Variants in FXN observed in about 807,000 individuals in gnomAD.
FXN encodes the protein frataxin, mitochondrial.
A neutral mutation model predicts 22.4 loss-of-function variants in FXN; 14 were observed. That is an observed-to-expected ratio of 0.62 (90% CI 0.41 to 0.98). The LOEUF (loss-of-function observed/expected upper bound fraction) is 0.98, where lower values mean the gene tolerates loss of function less well. FXN is among the 50% of genes least tolerant of loss of function. The probability of loss-of-function intolerance (pLI) is 0.00; values close to 1 mark genes in which losing one functional copy is unlikely to be tolerated. For missense variants in FXN, 267 were observed against 268.4 expected, an observed-to-expected ratio of 0.99 and a Z score of 0.04; for synonymous variants, 120 against 114.1, an observed-to-expected ratio of 1.05 and a Z score of -0.33.
At chr9:69,038,267 C>G (rs1222818139) in intron 1 of FXN, among the ~76,000 whole-genome samples, 1 of 152,130 alleles carries the variant, frequency 6.6e-6, no homozygotes, top group Non-Finnish European at 1.5e-5. Flanking sequence ...TTTTAAAGCC[C>G]TGACTGTCCT....
chr9:69,039,892 G>A (rs1235859017), intron 1 of FXN, among the ~76,000 whole-genome samples: 1 of 152,178 alleles, frequency 6.6e-6, no homozygotes, highest in Non-Finnish European at 1.5e-5. Context: ...ACTTTGCAGA[G>A]TATTGAGGCG....
chr9:69,046,212 A>G (rs1047220105), intron 1 of FXN, among the ~76,000 whole-genome samples, 173 bp from the exon 2 acceptor site: 3 of 152,192 alleles, frequency 2.0e-5, no homozygotes, highest in African/African-American at 7.2e-5. Flanking sequence ...GGAGAGGAGA[A>G]GAGAAGAGAG....
intron 2 of FXN, among the ~76,000 whole-genome samples, chr9:69,052,517 AC>A (rs1038410076): frequency 7.0e-6 from 1 of 142,374 alleles, no homozygotes; most frequent in African/African-American, 2.6e-5. Flanking sequence ...TCTTTCTGTA[AC>A]CCCTTCTGTG....
rs1331242458 is a variant in FXN at position 69,046,378 on chromosome 9, C to G, written c.166-7C>G. 3.7e-6 allele frequency: 6 copies of G among 1,610,080 alleles called. No homozygotes were observed. The East Asian group carries it at 1.1e-4, about 30-fold the overall frequency. On this transcript the variant is annotated splice_polypyrimidine_tract_variant and splice_region_variant and intron_variant, in intron 1 of 4. Coordinates refer to ENST00000484259, the MANE Select transcript of FXN (RefSeq NM_000144.5). ...ATAGTAACGTACTTCTTAACTTTGG[C>G]TTTCAGAGTTCGAACCAACGTGGCC...
chr9:69,072,792 G>T lies in FXN; in HGVS notation c.*30G>T. On this transcript the variant is annotated 3_prime_UTR_variant, in exon 5 of 5. Transcript: ENST00000484259. ...CAGCCCCGTTTTAAGGACATTAAAA[G>T]CTATCAGGCCAAGACCCCAGCTTCA... 6.2e-7 allele frequency: 1 copy of T among 1,613,828 alleles called. No individual in the cohort carries two copies.
chr9:69,078,133 G>C lies in FXN; in HGVS notation c.*5371G>C. The C allele has an allele frequency of 1.0e-6, 1 of 985,372 alleles. No homozygotes were observed. The highest frequency in any genetic ancestry group is 1.2e-6 in the Non-Finnish European group (1 of 829,912). The allele number at this position is 985,372 out of a possible 1,614,324, so 61.0% of individuals were successfully genotyped here. ...ATCCCTCCAAAGCTCAAAAGTAATA[G>C]AAACAGATGAGTTTGGAGTCAGGAT... is the stretch of plus-strand genomic sequence containing the variant. On this transcript the variant is annotated 3_prime_UTR_variant, in exon 5 of 5. Coordinates refer to ENST00000484259, the MANE Select transcript of FXN (RefSeq NM_000144.5).
intron 1 of FXN, among the ~76,000 whole-genome samples, chr9:69,039,405 G>A (rs1467217323): frequency 6.6e-6 from 1 of 152,180 alleles, no homozygotes. Flanking sequence ...CACCACATGG[G>A]ACAGCATATT....
At chr9:69,054,016 T>G (rs563063687) in intron 3 of FXN, among the ~76,000 whole-genome samples, 2 of 151,400 alleles carry the variant, frequency 1.3e-5, no homozygotes, top group South Asian at 4.2e-4. Context: ...TGAGAACTTG[T>G]TTTTTTTTGA....
rs1275914423 is a variant in FXN, at chr9:69,035,834, C to G, written c.52C>G (p.Pro18Ala). 13 of 1,512,854 alleles carry G rather than the reference C, an allele frequency of 8.6e-6. No individual in the cohort carries two copies. Among genetic ancestry groups the G allele is most frequent in the African/African-American group, 1.4e-5 (1 of 69,986 alleles). 93.7% of individuals were successfully genotyped at this position (1,512,854 alleles called of 1,614,324 possible). A position where few individuals can be genotyped will look rare whatever the true frequency, so the allele number is the denominator to read the frequency against. The part of the protein sequence containing the change: ...AVAGLLASPS[P>A]AQAQTLTRVP... The stretch of plus-strand genomic sequence containing the variant: ...AGCCGGCCTCCTGGCGTCACCCAGC[C>G]CAGCCCAGGCCCAGACCCTCACCCG... Residue 18 changes from proline to alanine, a missense_variant, in exon 1 of 5, where the codon CCA (proline) becomes GCA (alanine). By Grantham distance (27) the Pro-to-Ala change is conservative (BLOSUM62 -1). Transcript: ENST00000484259.
intron 4 of FXN, among the ~76,000 whole-genome samples, chr9:69,065,471 G>A (rs1053496695): frequency 7.9e-5 from 12 of 151,754 alleles, no homozygotes; most frequent in African/African-American, 2.2e-4. Context: ...AGCCCAGGAG[G>A]TGGAGGTTGC....
intron 4 of FXN, among the ~76,000 whole-genome samples, chr9:69,070,850 T>C (rs1485407441): frequency 6.6e-6 from 1 of 152,108 alleles, no homozygotes; most frequent in Non-Finnish European, 1.5e-5. Flanking sequence ...ATAATTTTTT[T>C]TGTCAACATG....
At chr9:69,058,924 C>T (rs1832013413) in intron 3 of FXN, among the ~76,000 whole-genome samples, 3 of 152,106 alleles carry the variant, frequency 2.0e-5, no homozygotes, top group African/African-American at 4.8e-5. Flanking sequence ...AAAACTTAGC[C>T]GGGCGTGGTG....
At chr9:69,037,152 G>A (rs961242723) in intron 1 of FXN, among the ~76,000 whole-genome samples, 3 of 151,672 alleles carry the variant, frequency 2.0e-5, no homozygotes, top group African/African-American at 7.3e-5. Context: ...GGCAGGACGC[G>A]GTGGCTCATG....
At chr9:69,064,473 T>TACCTTCCTTTTACTTCCTC (rs1272226514) in intron 3 of FXN, among the ~76,000 whole-genome samples, 1 of 152,220 alleles carries the variant, frequency 6.6e-6, no homozygotes, top group Non-Finnish European at 1.5e-5. Context: ...CATACTTCCT[T>TACCTTCCTTTTACTTCCTC]ACCTTCCTTT....
chr9:69,051,405 TG>T (rs1271832661), intron 2 of FXN, among the ~76,000 whole-genome samples: 1 of 151,986 alleles, frequency 6.6e-6, no homozygotes, highest in African/African-American at 2.4e-5. Context: ...TGATACGATC[TG>T]TCTCTTTCTT....
At chr9:69,042,600 C>G (rs1215208083) in intron 1 of FXN, among the ~76,000 whole-genome samples, 2 of 152,174 alleles carry the variant, frequency 1.3e-5, no homozygotes, top group African/African-American at 4.8e-5. Flanking sequence ...TGATTAAAAA[C>G]AGCCGAAGAA....
chr9:69,040,051 A>C (rs1831628474), intron 1 of FXN, among the ~76,000 whole-genome samples: 1 of 152,220 alleles, frequency 6.6e-6, no homozygotes, highest in African/African-American at 2.4e-5. Context: ...TTCATGACCC[A>C]GTCACCGCTT....
intron 4 of FXN, among the ~76,000 whole-genome samples, chr9:69,071,424 C>T (rs570168406): frequency 1.3e-5 from 2 of 152,332 alleles, no homozygotes; most frequent in Non-Finnish European, 1.5e-5. Flanking sequence ...CTCAGGCAGA[C>T]TCAGGTGCCC....
At chr9:69,057,638 C>T (rs1831984037) in intron 3 of FXN, among the ~76,000 whole-genome samples, 1 of 152,114 alleles carries the variant, frequency 6.6e-6, no homozygotes, top group South Asian at 2.1e-4. Flanking sequence ...AGTATGAATT[C>T]CTGATTAGAG....
Sources: gnomAD v4.1 joint callset for allele counts (sites outside exome capture counted in the v4.1 genomes callset) on GRCh38, gnomAD v4.1.1 for gene constraint, MANE v1.5 for transcripts, NCBI Gene and HGNC (gene_info 2026-07-23, HGNC 2026-07-21) for gene names.